MIEF1: variants seen among roughly 807,000 people sequenced by gnomAD.
MIEF1 encodes mitochondrial elongation factor 1, also known as mitochondrial dynamics protein MIEF1.
In MIEF1, 14 loss-of-function variants were observed where a neutral mutation model predicts 35.1. That is an observed-to-expected ratio of 0.40 (90% confidence interval 0.26 to 0.62). The LOEUF is 0.62. Among genes scored for constraint, MIEF1 ranks in the 20% least tolerant of loss-of-function variants. MIEF1 has a pLI of 0.43. For synonymous variants in MIEF1, 245 were observed against 254.3 expected (o/e 0.96, Z 0.35); for missense variants, 542 against 615.4 (o/e 0.88, Z 1.26).
In MIEF1 at chr22:39,509,717, G is replaced by A. The variant is rs554715895; in HGVS notation, c.-7-1571G>A. 6 of 152,292 alleles carry A rather than the reference G, an allele frequency of 3.9e-5. 1 individual carries two copies. In the South Asian group the frequency reaches 1.2e-3, roughly 32 times the overall value. The allele number at this position is 152,292 out of a possible 1,614,324, so 9.4% of individuals were successfully genotyped here. On this transcript the variant is annotated intron_variant, in intron 2 of 5. Coordinates refer to ENST00000325301, the MANE Select transcript of MIEF1 (RefSeq NM_019008.6). ...CCTAAGCTTTTATAGTCCCCGCTGC[G>A]CACTTCTCTCAAGAAACAAAGCATT...
intron 1 of MIEF1, 147 bp from the exon 2 acceptor site, chr22:39,504,056 C>T: frequency 2.5e-6 from 1 of 393,536 alleles, no homozygotes; most frequent in East Asian, 3.6e-5. Context: ...GCTGGGGTCT[C>T]TAGTTCTAGT....
At chr22:39,506,547 T>A (rs772554396) in intron 2 of MIEF1, among the ~76,000 whole-genome samples, 17 of 152,162 alleles carry the variant, frequency 1.1e-4, no homozygotes, top group Non-Finnish European at 1.8e-4. Flanking sequence ...AGTGTAAAAT[T>A]GCCAGCACAT....
chr22:39,505,490 C>T (rs1601743152), intron 2 of MIEF1, among the ~76,000 whole-genome samples: 1 of 152,322 alleles, frequency 6.6e-6, no homozygotes, highest in South Asian at 2.1e-4. Context: ...CTCTGCCTGT[C>T]CAGAAACTGC....
intron 2 of MIEF1, among the ~76,000 whole-genome samples, chr22:39,509,056 G>T (rs1424532498): frequency 2.6e-5 from 4 of 151,956 alleles, no homozygotes; most frequent in Non-Finnish European, 4.4e-5. Flanking sequence ...GAGTGCAATG[G>T]TGATTCTCCT....
chr22:39,512,160 C>T (rs991547577), intron 4 of MIEF1, 72 bp from the exon 5 acceptor site: 20 of 1,567,412 alleles, frequency 1.3e-5, no homozygotes, highest in South Asian at 9.5e-5. Flanking sequence ...GCCCTTCTTT[C>T]TGGGGCTGAG....
At chr22:39,506,608 A>G (rs1011168799) in intron 2 of MIEF1, among the ~76,000 whole-genome samples, 2 of 152,262 alleles carry the variant, frequency 1.3e-5, no homozygotes, top group Non-Finnish European at 2.9e-5. Flanking sequence ...CAAGCAAGAT[A>G]GGTTTATAAA....
intron 2 of MIEF1, among the ~76,000 whole-genome samples, chr22:39,507,328 C>G (rs1345420153): frequency 6.6e-6 from 1 of 151,942 alleles, no homozygotes; most frequent in Non-Finnish European, 1.5e-5. Context: ...TCACTGCAAC[C>G]TCTGCCTCCC....
Position 39,515,057 on chromosome 22 carries a change from T to G in MIEF1, c.*734T>G. ...ATTTCTTGGTGGCTATTAGCAGAAG[T>G]GCAGAGTAGGGAACCAGAGCTGGTT... On this transcript the variant is annotated 3_prime_UTR_variant, in exon 6 of 6. Coordinates refer to ENST00000325301, the MANE Select transcript of MIEF1 (RefSeq NM_019008.6). The G allele has an allele frequency of 1.7e-6, 1 of 581,142 alleles. No individual in the cohort carries two copies. The highest frequency in any genetic ancestry group is 3.1e-6 in the Non-Finnish European group (1 of 327,812). 36.0% of individuals were successfully genotyped at this position (581,142 alleles called of 1,614,324 possible).
At position 39,515,221 on chromosome 22, in the gene MIEF1, G is replaced by T. The variant is rs1462813205; in HGVS notation, c.*898G>T. The T allele has an allele frequency of 1.4e-6, 1 of 699,456 alleles. No homozygotes were observed. The highest frequency in any genetic ancestry group is 2.7e-6 in the Non-Finnish European group (1 of 376,292). 43.3% of individuals were successfully genotyped at this position (699,456 alleles called of 1,614,324 possible). Reference sequence around the variant, plus strand: ...TTTCACACCTTTTCCTTATTTTATTGCCAATCAGGACAAGGCCTTGAAGGA... The same window carrying T: ...TTTCACACCTTTTCCTTATTTTATTTCCAATCAGGACAAGGCCTTGAAGGA... On this transcript the variant is annotated 3_prime_UTR_variant, in exon 6 of 6. Coordinates refer to ENST00000325301, the MANE Select transcript of MIEF1 (RefSeq NM_019008.6).
At chr22:39,505,596 G>A (rs1385906296) in intron 2 of MIEF1, among the ~76,000 whole-genome samples, 1 of 152,206 alleles carries the variant, frequency 6.6e-6, no homozygotes, top group South Asian at 2.1e-4. Context: ...CTGGAAGGAC[G>A]TTGACTCCAA....
intron 2 of MIEF1, among the ~76,000 whole-genome samples, chr22:39,506,787 G>A (rs972215534): frequency 2.0e-5 from 3 of 152,206 alleles, no homozygotes; most frequent in Non-Finnish European, 4.4e-5. Context: ...TAACTTGCCT[G>A]AAATATTGGC....
intron 1 of MIEF1, among the ~76,000 whole-genome samples, 164 bp downstream of exon 1, chr22:39,502,601 C>T (rs370381068): frequency 6.6e-6 from 1 of 152,188 alleles, no homozygotes; most frequent in Admixed American, 6.5e-5. Context: ...CCCTGGGAGA[C>T]CCCTCGGCTG....
chr22:39,512,922 T>A (rs1030825584), intron 5 of MIEF1, among the ~76,000 whole-genome samples: 7 of 152,208 alleles, frequency 4.6e-5, no homozygotes, highest in Non-Finnish European at 1.0e-4. Context: ...ATGCTGGGAT[T>A]ACAGGCGTGA....
Position 39,513,528 on chromosome 22 carries a change from T to C in MIEF1, c.597T>C (p.Ala199=). Residue 199 remains alanine (A), a synonymous_variant, in exon 6 of 6, where the codon GCT becomes GCC. Transcript: ENST00000325301. ...SLYDDLQVVT[A]DHIQLIVPLV... is the part of the protein sequence containing the mutation. ...TTCTGCCCTGACAGGTGGTGACAGC[T>C]GACCACATCCAACTCATTGTGCCCC... is the stretch of plus-strand genomic sequence containing the variant. The C allele has an allele frequency of 6.2e-7, 1 of 1,613,832 alleles. No individual in the cohort carries two copies. Among genetic ancestry groups the C allele is most frequent in the Non-Finnish European group, 8.5e-7 (1 of 1,179,720 alleles).
chr22:39,513,895 G>C lies in MIEF1; in HGVS notation c.964G>C (p.Val322Leu). Residue 322 changes from valine (V) to leucine (L), a missense_variant, in exon 6 of 6, where the codon GTC (valine) becomes CTC (leucine). Transcript: ENST00000325301. The stretch of plus-strand genomic sequence containing the variant: ...GCCATCAGTGACCCTCGGTGACACA[G>C]TCTTGGTGGCCAAACCACACCGGCT... ...FLPSVTLGDT[V>L]LVAKPHRLAQ... The C allele has an allele frequency of 6.2e-7, 1 of 1,614,152 alleles. No homozygotes were observed. The highest frequency in any genetic ancestry group is 8.5e-7 in the Non-Finnish European group (1 of 1,180,044).
upstream of MIEF1, among the ~76,000 whole-genome samples, chr22:39,501,209 A>G (rs1362017648): frequency 6.6e-6 from 1 of 152,146 alleles, no homozygotes; most frequent in Non-Finnish European, 1.5e-5. Context: ...CTCAGCTGCG[A>G]AAGCACTGGC....
At chr22:39,513,430 A>C in intron 5 of MIEF1, 87 bp from the exon 6 acceptor site, 1 of 1,325,534 alleles carries the variant, frequency 7.5e-7, no homozygotes, top group Non-Finnish European at 1.0e-6. Flanking sequence ...GCTGGGGGGG[A>C]ATGTAAGATG....
At chr22:39,501,745 G>A (rs1929713471), upstream of MIEF1, 1 of 152,386 alleles carries the variant, frequency 6.6e-6, no homozygotes, top group African/African-American at 2.4e-5. Flanking sequence ...GTGTTAGAGG[G>A]AGGCGAGGAA....
intron 5 of MIEF1, 127 bp downstream of exon 5, chr22:39,512,621 C>T: frequency 8.2e-7 from 1 of 1,224,824 alleles, no homozygotes; most frequent in Non-Finnish European, 1.1e-6. Context: ...CTGTGTACCT[C>T]AGCAGCATTT....
Sources: gnomAD v4.1 joint callset for allele counts (sites outside exome capture counted in the v4.1 genomes callset) on GRCh38, gnomAD v4.1.1 for gene constraint, MANE v1.5 for transcripts, NCBI Gene and HGNC (gene_info 2026-07-23, HGNC 2026-07-21) for gene names.